KCNH7: variants seen among roughly 807,000 people sequenced by gnomAD.
KCNH7 encodes the protein voltage-gated inwardly rectifying potassium channel KCNH7.
KCNH7 carries 49 observed loss-of-function variants against 120.8 expected under a neutral mutation model. That is an observed-to-expected ratio of 0.41 (90% confidence interval 0.32 to 0.51). KCNH7 has a LOEUF of 0.51. Ranked by LOEUF, KCNH7 falls within the 20% of genes least tolerant of loss-of-function variation. The probability of loss-of-function intolerance (pLI) is 0.38; values close to 1 mark genes in which losing one functional copy is unlikely to be tolerated. For missense variants in KCNH7, 1,097 were observed against 1,446.6 expected (o/e 0.76, Z 3.92); for synonymous variants, 547 against 516.1 (o/e 1.06, Z -0.81).
intron 2 of KCNH7, among the ~76,000 whole-genome samples, chr2:162,829,330 C>T (rs1453497248): frequency 6.6e-6 from 1 of 152,090 alleles, no homozygotes; most frequent in African/African-American, 2.4e-5. Flanking sequence ...TTTACATTTT[C>T]AATTGCCATT....
intron 7 of KCNH7, among the ~76,000 whole-genome samples, chr2:162,442,018 T>C (rs1268926366): frequency 8.6e-5 from 9 of 104,164 alleles, no homozygotes; most frequent in African/African-American, 4.2e-4. Context: ...TTTTTTTTTT[T>C]TTTTTTTTTT....
intron 2 of KCNH7, among the ~76,000 whole-genome samples, chr2:162,561,753 C>G (rs572927623): frequency 6.6e-6 from 1 of 152,138 alleles, no homozygotes. Context: ...TATAAAGACA[C>G]ATGCACACGT....
At chr2:162,419,288 A>AAC in intron 9 of KCNH7, among the ~76,000 whole-genome samples, 1 of 151,148 alleles carries the variant, frequency 6.6e-6, no homozygotes, top group African/African-American at 2.4e-5. Flanking sequence ...AAAAAAAAAA[A>AAC]AAAAAAAAAG....
chr2:162,595,551 G>A (rs1017606196), intron 2 of KCNH7, among the ~76,000 whole-genome samples: 9 of 151,904 alleles, frequency 5.9e-5, no homozygotes, highest in Non-Finnish European at 8.8e-5. Context: ...AACAAAATAG[G>A]TATAGGAGGA....
intron 2 of KCNH7, among the ~76,000 whole-genome samples, chr2:162,691,862 G>A (rs957790304): frequency 6.6e-6 from 1 of 152,048 alleles, no homozygotes; most frequent in Non-Finnish European, 1.5e-5. Context: ...TCAATCAATT[G>A]AAAGATTGTG....
intron 2 of KCNH7, among the ~76,000 whole-genome samples, chr2:162,670,485 A>AAG (rs1200284300): frequency 3.3e-5 from 5 of 151,002 alleles, no homozygotes; most frequent in African/African-American, 9.8e-5. Context: ...AAAAAAAAAA[A>AAG]AAAAAAAGAA....
At chr2:162,662,475 A>T (rs1332881812) in intron 2 of KCNH7, among the ~76,000 whole-genome samples, 1 of 152,210 alleles carries the variant, frequency 6.6e-6, no homozygotes, top group African/African-American at 2.4e-5. Context: ...CTGAAATACT[A>T]GTCAATCAAT....
chr2:162,408,936 A>T (rs1379415983), intron 9 of KCNH7, among the ~76,000 whole-genome samples: 1 of 151,930 alleles, frequency 6.6e-6, no homozygotes, highest in Admixed American at 6.6e-5. Context: ...ATTTCATTTT[A>T]ATACCTGTAG....
At chr2:162,406,195 G>A (rs1687213203) in intron 9 of KCNH7, among the ~76,000 whole-genome samples, 4 of 151,816 alleles carry the variant, frequency 2.6e-5, no homozygotes, top group Admixed American at 2.6e-4. Flanking sequence ...CAACAATTGA[G>A]CTGGTTCCTT....
intron 2 of KCNH7, among the ~76,000 whole-genome samples, chr2:162,738,508 T>A (rs1310664710): frequency 6.6e-6 from 1 of 152,168 alleles, no homozygotes; most frequent in Non-Finnish European, 1.5e-5. Context: ...GCTTTCAGAC[T>A]CAGTCAGGAG....
intron 2 of KCNH7, among the ~76,000 whole-genome samples, chr2:162,643,399 A>G (rs939451797): frequency 1.3e-5 from 2 of 152,188 alleles, no homozygotes; most frequent in African/African-American, 4.8e-5. Flanking sequence ...TTTTTACTCT[A>G]ATTACACAGT....
At chr2:162,791,642 C>A (rs1466662648) in intron 2 of KCNH7, among the ~76,000 whole-genome samples, 2 of 152,074 alleles carry the variant, frequency 1.3e-5, no homozygotes, top group African/African-American at 2.4e-5. Context: ...TATCCCGAGA[C>A]CTTGCTGAAG....
chr2:162,406,896 T>C (rs1328281859), intron 9 of KCNH7, among the ~76,000 whole-genome samples: 1 of 152,016 alleles, frequency 6.6e-6, no homozygotes, highest in Non-Finnish European at 1.5e-5. Flanking sequence ...ATAGGAAACA[T>C]ACATATTTCC....
rs555589121 is a variant in KCNH7 at position 162,615,861 on chromosome 2, TAAATACACTGGC to T, written c.308-78793_308-78782del. 4.6e-5 allele frequency among the ~76,000 whole-genome samples: 7 copies of T among 152,312 alleles called. No homozygotes were observed. In the South Asian group the frequency reaches 1.4e-3, roughly 32 times the overall value. ...AGAAATGTACTAATGATCCATTCTC[TAAATACACTGGC>T]AAGAGAAGTACAACTTTTCTCCTGG... On this transcript the variant is annotated intron_variant, in intron 2 of 15. Transcript: ENST00000332142.
intron 2 of KCNH7, among the ~76,000 whole-genome samples, chr2:162,663,090 T>C (rs1033177608): frequency 2.0e-5 from 3 of 152,204 alleles, no homozygotes; most frequent in Non-Finnish European, 4.4e-5. Flanking sequence ...AAGCACATGA[T>C]AGGTTCGTGG....
At chr2:162,778,844 G>A (rs1683357436) in intron 2 of KCNH7, among the ~76,000 whole-genome samples, 1 of 151,892 alleles carries the variant, frequency 6.6e-6, no homozygotes, top group Non-Finnish European at 1.5e-5. Flanking sequence ...GAACTGACCT[G>A]TGTCTACTTA....
chr2:162,417,094 A>G (rs1431924383), intron 9 of KCNH7, among the ~76,000 whole-genome samples: 1 of 152,180 alleles, frequency 6.6e-6, no homozygotes, highest in Non-Finnish European at 1.5e-5. Flanking sequence ...AATATGACAT[A>G]TTGGGTGGAC....
chr2:162,570,304 T>TGATAAA (rs1200781230), intron 2 of KCNH7, among the ~76,000 whole-genome samples: 1 of 151,680 alleles, frequency 6.6e-6, no homozygotes, highest in Non-Finnish European at 1.5e-5. Flanking sequence ...TTGTTTCTTT[T>TGATAAA]GATCTTTGTT....
intron 9 of KCNH7, among the ~76,000 whole-genome samples, chr2:162,404,492 G>A (rs1312304591): frequency 6.6e-6 from 1 of 151,894 alleles, no homozygotes; most frequent in Admixed American, 6.6e-5. Flanking sequence ...GTTTGGTCAT[G>A]GGGGTTGATT....
Sources: gnomAD v4.1 joint callset for allele counts (sites outside exome capture counted in the v4.1 genomes callset) on GRCh38, gnomAD v4.1.1 for gene constraint, MANE v1.5 for transcripts, NCBI Gene and HGNC (gene_info 2026-07-23, HGNC 2026-07-21) for gene names.